The following ZNF207 variants were observed in gnomAD, a reference collection of about 807,000 sequenced individuals.
ZNF207 encodes the protein zinc finger protein 207.
Under a neutral mutation model 60.2 loss-of-function variants are expected in ZNF207, and 24 were observed. The ratio of observed to expected loss-of-function variants is 0.40; its 90% CI spans 0.29 to 0.56. The LOEUF (loss-of-function observed/expected upper bound fraction) is 0.56, where lower values mean the gene tolerates loss of function less well. ZNF207 is among the 20% of genes least tolerant of loss of function. The pLI is 0.49. For synonymous variants in ZNF207, 236 were observed against 194.7 expected (o/e 1.21, Z -1.77); for missense variants, 452 against 636.6 (o/e 0.71, Z 3.12).
intron 1 of ZNF207, chr17:32,351,474 G>A (rs2150785216): frequency 6.9e-7 from 1 of 1,440,868 alleles, no homozygotes; most frequent in East Asian, 2.7e-5. Context: ...GTGTGCATTT[G>A]TAAATGTTGA....
rs1456042920 is a variant in ZNF207, at chr17:32,373,080, T to C, written c.*3321T>C. ...GAGTGGCTGCTGGAATTACTTGATT[T>C]GAATACTTAGTATTTTAGTAGTGTC... On this transcript the variant is annotated 3_prime_UTR_variant, in exon 12 of 12. Coordinates refer to ENST00000394670, the MANE Select transcript of ZNF207 (RefSeq NM_001098507.2). 8 of 216,334 alleles carry C rather than the reference T, an allele frequency of 3.7e-5. No homozygotes were observed. The East Asian group carries it at 7.7e-4, about 21-fold the overall frequency. 13.4% of individuals were successfully genotyped at this position (216,334 alleles called of 1,614,324 possible).
chr17:32,366,816 ACCCTAC>A (rs2150800907), intron 9 of ZNF207, 59 bp downstream of exon 9: 1 of 1,425,064 alleles, frequency 7.0e-7, no homozygotes, highest in East Asian at 2.5e-5. Context: ...AACCCTTTGG[ACCCTAC>A]TTAAAAAATG....
At position 32,370,033 on chromosome 17, in the gene ZNF207, G is replaced by A. The variant is rs1301985015; in HGVS notation, c.*274G>A. 1.5e-5 allele frequency: 4 copies of A among 275,072 alleles called. No individual in the cohort carries two copies. The highest frequency in any genetic ancestry group is 6.9e-5 in the East Asian group (1 of 14,430). 17.0% of individuals were successfully genotyped at this position (275,072 alleles called of 1,614,324 possible). On this transcript the variant is annotated 3_prime_UTR_variant, in exon 12 of 12. Coordinates refer to ENST00000394670, the MANE Select transcript of ZNF207 (RefSeq NM_001098507.2). ...AAGTGAAGTATAGTAAATTTGGTTCGTTAAATTGTGAAGGCGCTGGAATTA... is the reference window on the plus strand; with the variant it reads ...AAGTGAAGTATAGTAAATTTGGTTCATTAAATTGTGAAGGCGCTGGAATTA...
In ZNF207 at chr17:32,361,510, AAAC is replaced by A; in HGVS notation, c.596_598del (p.Asn199del). 2 of 1,608,158 alleles carry A rather than the reference AAAC, an allele frequency of 1.2e-6. No individual in the cohort carries two copies. Among genetic ancestry groups the A allele is most frequent in the Non-Finnish European group, 1.7e-6 (2 of 1,177,044 alleles). On this transcript the variant is annotated inframe_deletion and splice_region_variant, in exon 6 of 12. Transcript: ENST00000394670. Reference sequence around the variant, plus strand: ...AATACACCCAGTCATTTTGCGGTGAAAACATGTAAGCATCTCATTCATAATGTA... The same window carrying A: ...AATACACCCAGTCATTTTGCGGTGAAATGTAAGCATCTCATTCATAATGTA...
rs567653936 is a variant in ZNF207, at chr17:32,358,368, A to G, written c.169-135A>G. On this transcript the variant is annotated intron_variant, in intron 2 of 11. Coordinates refer to ENST00000394670, the MANE Select transcript of ZNF207 (RefSeq NM_001098507.2). ...CTGACATGCTTAATGTCACAGAGCT[A>G]GTGAATGGCAAAACTGGGAATTGGC... The G allele has an allele frequency of 1.5e-5, 10 of 675,358 alleles. 1 individual carries two copies. In the South Asian group the frequency reaches 3.0e-4, roughly 21 times the overall value. The allele number at this position is 675,358 out of a possible 1,614,324, so 41.8% of individuals were successfully genotyped here.
chr17:32,351,431 G>A, intron 1 of ZNF207: 2 of 1,327,680 alleles, frequency 1.5e-6, no homozygotes, highest in Non-Finnish European at 1.9e-6. Flanking sequence ...CAGAACCTTA[G>A]GGATTTCTTA....
intron 9 of ZNF207, 69 bp from the exon 10 acceptor site, chr17:32,367,698 TTTAAG>T: frequency 6.4e-7 from 1 of 1,557,236 alleles, no homozygotes; most frequent in Non-Finnish European, 8.7e-7. Context: ...GATGCCTTGT[TTTAAG>T]TTAAACTGTT....
At chr17:32,368,111 C>CTG in intron 10 of ZNF207, 97 bp downstream of exon 10, 3 of 1,518,724 alleles carry the variant, frequency 2.0e-6, no homozygotes, top group Non-Finnish European at 2.7e-6. Flanking sequence ...CTCAGATGGT[C>CTG]TGTGATCTGG....
intron 9 of ZNF207, among the ~76,000 whole-genome samples, chr17:32,367,273 AT>A (rs1567825027): frequency 0.014 from 1,408 of 102,974 alleles, 90 homozygotes; most frequent in African/African-American, 0.046. Context: ...ATATATATAT[AT>A]ATATATATAT....
In ZNF207 at chr17:32,378,874, G is replaced by T. The variant is rs1016167595; in HGVS notation, c.*9115G>T. 6.6e-6 allele frequency: 1 copy of T among 152,078 alleles called. No homozygotes were observed. Among genetic ancestry groups the T allele is most frequent in the Non-Finnish European group, 1.5e-5 (1 of 67,926 alleles). The allele number at this position is 152,078 out of a possible 1,614,324, so 9.4% of individuals were successfully genotyped here. A position where few individuals can be genotyped will look rare whatever the true frequency, so the allele number is the denominator to read the frequency against. ...AAGCCTGAACCATCCTAATCTGATA[G>T]TAGGATGTATGGCTTCTTCCTTTTC... On this transcript the variant is annotated 3_prime_UTR_variant, in exon 12 of 12. Transcript: ENST00000394670.
rs149433642 is a variant in ZNF207, at chr17:32,359,694, G to T, written c.308-904G>T. ...AGTGCAGGAAAATTGCTTGAGCCCA[G>T]AAATTGGGAGACCAACCTAGGCAAT... On this transcript the variant is annotated intron_variant, in intron 3 of 11. Transcript: ENST00000394670. Among the ~76,000 whole-genome samples the T allele has an allele frequency of 7.0e-3, 1,063 of 152,146 alleles. 9 individuals are homozygous for T. The highest frequency in any genetic ancestry group is 0.023 in the African/African-American group (938 of 41,508).
chr17:32,354,579 G>T (rs1472503449), intron 2 of ZNF207, among the ~76,000 whole-genome samples: 2 of 151,740 alleles, frequency 1.3e-5, no homozygotes, highest in Non-Finnish European at 2.9e-5. Flanking sequence ...CAAAGTGCTG[G>T]GATTACAGGC....
At chr17:32,353,254 T>G (rs546588559) in intron 2 of ZNF207, among the ~76,000 whole-genome samples, 8 of 152,178 alleles carry the variant, frequency 5.3e-5, no homozygotes, top group Non-Finnish European at 1.0e-4. Flanking sequence ...TTTATATTTT[T>G]TAAGATCTAG....
chr17:32,360,494 T>G (rs1904807609), intron 3 of ZNF207, 104 bp from the exon 4 acceptor site: 1 of 1,144,840 alleles, frequency 8.7e-7, no homozygotes, highest in African/African-American at 1.6e-5. Context: ...GGAAGAAAAA[T>G]CTCATGAAGT....
chr17:32,358,330 G>C (rs1021230098), intron 2 of ZNF207, among the ~76,000 whole-genome samples, 173 bp from the exon 3 acceptor site: 4 of 152,156 alleles, frequency 2.6e-5, no homozygotes, highest in Non-Finnish European at 5.9e-5. Flanking sequence ...GTAAACTGAG[G>C]CTTAGAAGTT....
rs1310406917 is a variant in ZNF207 at position 32,379,873 on chromosome 17, C to T, written c.*10114C>T. 3 of 152,166 alleles carry T rather than the reference C, an allele frequency of 2.0e-5. No homozygotes were observed. The allele number at this position is 152,166 out of a possible 1,614,324, so 9.4% of individuals were successfully genotyped here. A position where few individuals can be genotyped will look rare whatever the true frequency, so the allele number is the denominator to read the frequency against. On this transcript the variant is annotated 3_prime_UTR_variant, in exon 12 of 12. Transcript: ENST00000394670. ...TTATTTAGCCTCGCTATATGTAACA[C>T]ATGGATTATTTTTTCCCTCTAGTTT... is the stretch of plus-strand genomic sequence containing the variant.
At position 32,375,772 on chromosome 17, in the gene ZNF207, G is replaced by A. The variant is rs1206788062; in HGVS notation, c.*6013G>A. 1 of 152,016 alleles carries A rather than the reference G, an allele frequency of 6.6e-6. No homozygotes were observed. Among genetic ancestry groups the A allele is most frequent in the African/African-American group, 2.4e-5 (1 of 41,420 alleles). 9.4% of individuals were successfully genotyped at this position (152,016 alleles called of 1,614,324 possible). ...TGACCTAATATTGAGTAATCTTTCT[G>A]CGTTATTCCAAATTGAAATTTGTTT... On this transcript the variant is annotated 3_prime_UTR_variant, in exon 12 of 12. Transcript: ENST00000394670.
rs941769389 is a variant in ZNF207, at chr17:32,376,576, CAT to C, written c.*6820_*6821del. On this transcript the variant is annotated 3_prime_UTR_variant, in exon 12 of 12. Coordinates refer to ENST00000394670, the MANE Select transcript of ZNF207 (RefSeq NM_001098507.2). ...TATTTTACTAAGCGGAAGTAGTAGT[CAT>C]ATTGAGGCAGAAATTTGTAGCCCAA... 3.2e-4 allele frequency: 48 copies of C among 151,974 alleles called. No individual in the cohort carries two copies. Among genetic ancestry groups the C allele is most frequent in the African/African-American group, 1.1e-3 (47 of 41,406 alleles). 9.4% of individuals were successfully genotyped at this position (151,974 alleles called of 1,614,324 possible).
intron 2 of ZNF207, among the ~76,000 whole-genome samples, chr17:32,355,438 T>TA (rs1312196134): frequency 2.6e-5 from 4 of 152,210 alleles, no homozygotes; most frequent in African/African-American, 9.6e-5. Flanking sequence ...GCTACAGGGA[T>TA]AATAGGCTTA....
Sources: allele counts gnomAD v4.1 joint callset (sites outside exome capture counted in the v4.1 genomes callset), GRCh38; gene constraint gnomAD v4.1.1; transcripts MANE v1.5; gene names NCBI Gene and HGNC (gene_info 2026-07-23, HGNC 2026-07-21).